KIAA1328: variants seen among roughly 807,000 people sequenced by gnomAD.
The protein encoded by KIAA1328 is KIAA1328.
In KIAA1328, 52 loss-of-function variants were observed where a neutral mutation model predicts 68.1. The observed-to-expected ratio is 0.76, with a 90% confidence interval of 0.61 to 0.96. The LOEUF is 0.96. KIAA1328 is among the 40% of genes least tolerant of loss of function. The probability of loss-of-function intolerance (pLI) is 0.00; values close to 1 mark genes in which losing one functional copy is unlikely to be tolerated. For missense variants in KIAA1328, 641 were observed against 677.6 expected, an observed-to-expected ratio of 0.95 and a Z score of 0.60; for synonymous variants, 232 against 239.4, an observed-to-expected ratio of 0.97 and a Z score of 0.28.
At chr18:37,025,628 G>A (rs1306542110) in intron 6 of KIAA1328, among the ~76,000 whole-genome samples, 1 of 152,150 alleles carries the variant, frequency 6.6e-6, no homozygotes, top group African/African-American at 2.4e-5. Context: ...TGACTACTGG[G>A]TACATAACGA....
intron 7 of KIAA1328, among the ~76,000 whole-genome samples, chr18:37,108,769 T>TTTTGC (rs1435961270): frequency 6.6e-6 from 1 of 151,346 alleles, no homozygotes; most frequent in Non-Finnish European, 1.5e-5. Flanking sequence ...GTGTTTTTTG[T>TTTTGC]TTTGTTTTGT....
At chr18:36,939,004 G>A (rs2050608023) in intron 5 of KIAA1328, among the ~76,000 whole-genome samples, 1 of 152,060 alleles carries the variant, frequency 6.6e-6, no homozygotes, top group South Asian at 2.1e-4. Flanking sequence ...CTTTGTAATA[G>A]ATTCGAAGTC....
chr18:37,080,877 T>C (rs1035414047), intron 7 of KIAA1328, among the ~76,000 whole-genome samples: 8 of 151,546 alleles, frequency 5.3e-5, no homozygotes, highest in Non-Finnish European at 1.0e-4. Flanking sequence ...CTTATGTTGC[T>C]CTCATCCTAA....
chr18:36,953,146 G>A lies in KIAA1328; in HGVS notation c.449-6162G>A, dbSNP rs978748430. Among the ~76,000 whole-genome samples, 87 of 149,890 alleles carry A rather than the reference G, an allele frequency of 5.8e-4. 1 individual carries two copies. Among genetic ancestry groups the A allele is most frequent in the Non-Finnish European group, 3.7e-4 (25 of 67,654 alleles). On this transcript the variant is annotated intron_variant, in intron 5 of 9. Coordinates refer to ENST00000280020, the MANE Select transcript of KIAA1328 (RefSeq NM_020776.3). The stretch of plus-strand genomic sequence containing the variant: ...GCCTATATCTGCTTTGCCCCCTCTC[G>A]TGTGTGTGTATTTTTAATACATATA...
intron 6 of KIAA1328, among the ~76,000 whole-genome samples, chr18:36,980,846 C>T (rs763803407): frequency 1.2e-4 from 18 of 152,182 alleles, no homozygotes; most frequent in Non-Finnish European, 2.2e-4. Context: ...GCTCTCCTTG[C>T]CTGCCACAGG....
chr18:37,112,794 CA>C (rs773395395), intron 7 of KIAA1328, among the ~76,000 whole-genome samples: 1 of 152,132 alleles, frequency 6.6e-6, no homozygotes, highest in Non-Finnish European at 1.5e-5. Flanking sequence ...CTAGAATAAA[CA>C]GTGTAGAGAA....
intron 6 of KIAA1328, among the ~76,000 whole-genome samples, chr18:37,025,614 T>A (rs1217656384): frequency 1.3e-5 from 2 of 152,202 alleles, no homozygotes; most frequent in Non-Finnish European, 2.9e-5. Flanking sequence ...AACCTGCTCC[T>A]GAATGACTAC....
rs373931590 is a variant in KIAA1328 at position 37,176,870 on chromosome 18, C to G, written c.1523+3789C>G. Among the ~76,000 whole-genome samples, 20 of 152,300 alleles carry G rather than the reference C, an allele frequency of 1.3e-4. No homozygotes were observed. In the East Asian group the frequency reaches 3.7e-3, roughly 28 times the overall value. Reference sequence around the variant, plus strand: ...AGCACAGATATAACTGATAATTAACCATTTTGTGCCTTCTAGAATTAGGTG... The same window carrying G: ...AGCACAGATATAACTGATAATTAACGATTTTGTGCCTTCTAGAATTAGGTG... On this transcript the variant is annotated intron_variant, in intron 9 of 9. Transcript: ENST00000280020.
chr18:36,917,001 AAAAAAGC>A (rs1222936924), intron 5 of KIAA1328, among the ~76,000 whole-genome samples: 1 of 152,104 alleles, frequency 6.6e-6, no homozygotes, highest in Non-Finnish European at 1.5e-5. Flanking sequence ...TCCCTAGGTT[AAAAAAGC>A]AAAAACAAAA....
intron 8 of KIAA1328, among the ~76,000 whole-genome samples, chr18:37,170,976 A>T (rs933149291): frequency 1.3e-5 from 2 of 152,214 alleles, no homozygotes; most frequent in Non-Finnish European, 2.9e-5. Flanking sequence ...ACAAGGAAAT[A>T]TTCTAAAACT....
At chr18:37,221,962 A>C (rs2060571599) in intron 9 of KIAA1328, 55 bp from the exon 10 acceptor site, 18 of 1,549,460 alleles carry the variant, frequency 1.2e-5, no homozygotes, top group Non-Finnish European at 1.6e-5. Context: ...GGGCTTCTTG[A>C]ATTCTCATTT....
At chr18:37,101,441 A>G (rs2057613189) in intron 7 of KIAA1328, among the ~76,000 whole-genome samples, 2 of 152,242 alleles carry the variant, frequency 1.3e-5, no homozygotes, top group Non-Finnish European at 2.9e-5. Context: ...AATGAATGAA[A>G]TGAAGCGAGA....
At chr18:36,942,878 A>G (rs1382331540) in intron 5 of KIAA1328, among the ~76,000 whole-genome samples, 1 of 152,208 alleles carries the variant, frequency 6.6e-6, no homozygotes, top group Non-Finnish European at 1.5e-5. Context: ...ATCGACACAT[A>G]TGTTAATTTA....
chr18:36,861,863 AATC>A (rs1363431194), intron 4 of KIAA1328, among the ~76,000 whole-genome samples: 2 of 151,982 alleles, frequency 1.3e-5, no homozygotes, highest in South Asian at 2.1e-4. Context: ...GATATAAAAA[AATC>A]ATCATGTTGC....
intron 7 of KIAA1328, among the ~76,000 whole-genome samples, chr18:37,138,096 C>A (rs2058684676): frequency 6.6e-6 from 1 of 152,038 alleles, no homozygotes; most frequent in African/African-American, 2.4e-5. Context: ...TAAATGTTTT[C>A]TCATTTAATA....
chr18:37,099,183 A>G (rs994510602), intron 7 of KIAA1328, among the ~76,000 whole-genome samples: 1 of 152,036 alleles, frequency 6.6e-6, no homozygotes, highest in African/African-American at 2.4e-5. Context: ...TCAATTTTAG[A>G]TCTTTCCTGC....
chr18:36,950,043 G>C (rs1391239285), intron 5 of KIAA1328, among the ~76,000 whole-genome samples: 1 of 152,036 alleles, frequency 6.6e-6, no homozygotes, highest in African/African-American at 2.4e-5. Flanking sequence ...CTTGATCTTG[G>C]AATCACTTTT....
At chr18:37,091,662 A>G (rs1406670712) in intron 7 of KIAA1328, among the ~76,000 whole-genome samples, 1 of 152,132 alleles carries the variant, frequency 6.6e-6, no homozygotes, top group Non-Finnish European at 1.5e-5. Context: ...ATTCTGCCTT[A>G]GGTCCCAACA....
At chr18:36,997,762 G>A (rs2053445535) in intron 6 of KIAA1328, among the ~76,000 whole-genome samples, 1 of 152,164 alleles carries the variant, frequency 6.6e-6, no homozygotes. Context: ...TGAGCAATCT[G>A]GGGGCCACAG....
Sources: gnomAD v4.1 joint callset for allele counts (sites outside exome capture counted in the v4.1 genomes callset) on GRCh38, gnomAD v4.1.1 for gene constraint, MANE v1.5 for transcripts, NCBI Gene and HGNC (gene_info 2026-07-23, HGNC 2026-07-21) for gene names.